The following GTF2H3 variants were observed in gnomAD, a reference collection of about 807,000 sequenced individuals.
GTF2H3 encodes the protein general transcription factor IIH subunit 3, also known as TFIIH basal transcription factor complex p34 subunit.
Under a neutral mutation model 51.1 loss-of-function variants are expected in GTF2H3, and 42 were observed. The ratio of observed to expected loss-of-function variants is 0.82; its 90% CI spans 0.64 to 1.06. GTF2H3 has a LOEUF of 1.06. GTF2H3 is among the 50% of genes least tolerant of loss of function. The pLI, the probability that GTF2H3 is intolerant of heterozygous loss-of-function variation, is 0.00. For missense variants in GTF2H3, 326 were observed against 366.1 expected (o/e 0.89, Z 0.89); for synonymous variants, 123 against 123.8 (o/e 0.99, Z 0.04).
chr12:123,655,167 A>G (rs938540584), intron 8 of GTF2H3, among the ~76,000 whole-genome samples, 169 bp downstream of exon 8: 5 of 152,210 alleles, frequency 3.3e-5, no homozygotes, highest in Non-Finnish European at 7.3e-5. Flanking sequence ...GTCCTGGACC[A>G]CTTGAGAATC....
intron 4 of GTF2H3, 59 bp downstream of exon 4, chr12:123,648,185 GC>G: frequency 8.7e-7 from 1 of 1,148,432 alleles, no homozygotes; most frequent in South Asian, 1.5e-5. Context: ...GGTCCTTTAG[GC>G]TTTAAGTTCA....
In GTF2H3 at chr12:123,639,269, G is replaced by T. The variant is rs1955333100; in HGVS notation, c.19G>T (p.Glu7Ter). Residue 7 changes from glutamate to a stop codon, truncating the protein, a stop_gained, in exon 2 of 13, where the codon GAA becomes TAA. Transcript: ENST00000543341. LOFTEE classifies it high-confidence loss of function. ...TTTCTTGTTAATATTTTCAGAAGATGAATTGAATCTTCTGGTTATTGTAGT... is the reference window on the plus strand; with the variant it reads ...TTTCTTGTTAATATTTTCAGAAGATTAATTGAATCTTCTGGTTATTGTAGT... Reference protein sequence around the residue: MVSDEDELNLLVIVVDA... With the variant: MVSDED The T allele has an allele frequency of 6.8e-7, 1 of 1,478,864 alleles. No homozygotes were observed. The highest frequency in any genetic ancestry group is 1.4e-5 in the African/African-American group (1 of 72,372). 91.6% of individuals were successfully genotyped at this position (1,478,864 alleles called of 1,614,324 possible). A position where few individuals can be genotyped will look rare whatever the true frequency, so the allele number is the denominator to read the frequency against.
intron 7 of GTF2H3, 56 bp downstream of exon 7, chr12:123,652,791 C>T (rs1288155316): frequency 2.1e-5 from 30 of 1,410,768 alleles, no homozygotes; most frequent in Middle Eastern, 2.1e-4. Context: ...GAAAACATAA[C>T]GGGAGACCAG....
chr12:123,655,097 CT>C, intron 8 of GTF2H3, 99 bp downstream of exon 8: 1 of 888,854 alleles, frequency 1.1e-6, no homozygotes, highest in Non-Finnish European at 1.9e-6. Flanking sequence ...ACTACGTAGG[CT>C]TATGAATGGG....
intron 9 of GTF2H3, among the ~76,000 whole-genome samples, chr12:123,657,610 C>T (rs1955603550): frequency 6.6e-6 from 1 of 152,220 alleles, no homozygotes; most frequent in Non-Finnish European, 1.5e-5. Context: ...CTTTATTTTT[C>T]TTCATAGAAA....
chr12:123,633,908 G>A (rs1418478293), intron 1 of GTF2H3, 36 bp downstream of exon 1: 1 of 1,610,574 alleles, frequency 6.2e-7, no homozygotes, highest in Admixed American at 1.7e-5. Flanking sequence ...CGACTCCGGG[G>A]CTCGGCTGTC....
chr12:123,655,654 C>CA, intron 8 of GTF2H3, 117 bp from the exon 9 acceptor site: 5 of 661,182 alleles, frequency 7.6e-6, no homozygotes, highest in Non-Finnish European at 1.4e-5. Flanking sequence ...CGTGCAGAGT[C>CA]ACGTTGCATA....
At chr12:123,656,350 A>T (rs1955586879) in intron 9 of GTF2H3, among the ~76,000 whole-genome samples, 1 of 152,224 alleles carries the variant, frequency 6.6e-6, no homozygotes, top group Non-Finnish European at 1.5e-5. Context: ...TTATGTATAC[A>T]GACTCTTGTA....
At position 123,654,944 on chromosome 12, in the gene GTF2H3, C is replaced by T. The variant is rs1593811671; in HGVS notation, c.507C>T (p.Asp169=). The T allele has an allele frequency of 4.3e-6, 7 of 1,612,850 alleles. No individual in the cohort carries two copies. In the East Asian group the frequency reaches 8.9e-5, roughly 21 times the overall value. ...TTTAGGTGATTAAGGCTGCAGAAGA[C>T]AGTGCGTTGCAGTATATGAACTTCA... ...SRILVIKAAE[D]SALQYMNFMN... The change falls in exon 8 of 13, where the codon GAC becomes GAT. Residue 169 remains aspartate, a synonymous_variant. Transcript: ENST00000543341.
intron 7 of GTF2H3, among the ~76,000 whole-genome samples, chr12:123,654,547 T>C (rs1955561042): frequency 6.6e-6 from 1 of 151,100 alleles, no homozygotes; most frequent in Admixed American, 6.6e-5. Context: ...GTGTGTATTT[T>C]TGGGTGTGTG....
intron 2 of GTF2H3, among the ~76,000 whole-genome samples, chr12:123,640,792 T>G (rs747965215): frequency 1.3e-5 from 2 of 152,320 alleles, no homozygotes; most frequent in East Asian, 1.9e-4. Context: ...ATGTATTTTC[T>G]GTGGCAGCTT....
chr12:123,635,279 G>T (rs1403896348), intron 1 of GTF2H3, among the ~76,000 whole-genome samples: 3 of 151,946 alleles, frequency 2.0e-5, no homozygotes, highest in African/African-American at 7.2e-5. Flanking sequence ...TATTAAAAAA[G>T]AAAAAAAGTG....
At chr12:123,647,837 G>A (rs1172301481) in intron 3 of GTF2H3, 126 bp from the exon 4 acceptor site, 9 of 524,210 alleles carry the variant, frequency 1.7e-5, no homozygotes, top group Middle Eastern at 6.8e-4. Flanking sequence ...GAAATTTACC[G>A]TGGAATCTTG....
intron 9 of GTF2H3, among the ~76,000 whole-genome samples, chr12:123,657,038 G>T (rs929576138): frequency 6.6e-6 from 1 of 152,062 alleles, no homozygotes; most frequent in Non-Finnish European, 1.5e-5. Context: ...AGTCAGCTAC[G>T]ATCATGCCAC....
rs1955334105 is a variant in GTF2H3 at position 123,639,318 on chromosome 12, G to T, written c.68G>T (p.Gly23Val). 8 of 1,585,262 alleles carry T rather than the reference G, an allele frequency of 5.0e-6. No individual in the cohort carries two copies. The East Asian group carries it at 1.8e-4, about 35-fold the overall frequency. The part of the protein sequence containing the change: ...IVVDANPIWW[G>V]KQALKESQFT... ...GTTGATGCCAACCCAATTTGGTGGG[G>T]AAAGCAAGCATTAAAGGAATCTCAG... Residue 23 changes from glycine (G) to valine (V), a missense_variant, in exon 2 of 13, where the codon GGA (glycine) becomes GTA (valine). Coordinates refer to ENST00000543341, the MANE Select transcript of GTF2H3 (RefSeq NM_001516.5).
chr12:123,646,723 T>C (rs1379699211), intron 3 of GTF2H3, among the ~76,000 whole-genome samples: 3 of 152,000 alleles, frequency 2.0e-5, no homozygotes, highest in African/African-American at 7.3e-5. Flanking sequence ...ACTCCCATCC[T>C]CGCTGCATAT....
At chr12:123,639,432 A>C (rs913062669) in intron 2 of GTF2H3, 89 bp downstream of exon 2, 1 of 685,630 alleles carries the variant, frequency 1.5e-6, no homozygotes, top group Non-Finnish European at 2.6e-6. Context: ...TTAAAGTATA[A>C]TTTACATACT....
chr12:123,637,126 A>C (rs1261040996), intron 1 of GTF2H3, among the ~76,000 whole-genome samples: 1 of 152,204 alleles, frequency 6.6e-6, no homozygotes, highest in East Asian at 1.9e-4. Flanking sequence ...TGGGCCTTTC[A>C]TAACAGTGTA....
At chr12:123,658,435 G>A (rs1955613390) in intron 9 of GTF2H3, among the ~76,000 whole-genome samples, 1 of 152,156 alleles carries the variant, frequency 6.6e-6, no homozygotes, top group South Asian at 2.1e-4. Context: ...GGTTAGGCTG[G>A]TATCGAACTC....
Sources: gnomAD v4.1 joint callset for allele counts (sites outside exome capture counted in the v4.1 genomes callset) on GRCh38, gnomAD v4.1.1 for gene constraint, MANE v1.5 for transcripts, NCBI Gene and HGNC (gene_info 2026-07-23, HGNC 2026-07-21) for gene names.